The following CEP128 variants were observed in gnomAD, a reference collection of about 807,000 sequenced individuals.
CEP128 encodes the protein centrosomal protein 128kDa.
In CEP128, 132 loss-of-function variants were observed where a neutral mutation model predicts 156.7. The observed-to-expected ratio is 0.84, with a 90% CI of 0.73 to 0.97. CEP128 has a LOEUF of 0.97. Ranked by LOEUF, CEP128 falls within the 50% of genes least tolerant of loss-of-function variation. The pLI, the probability that CEP128 is intolerant of heterozygous loss-of-function variation, is 0.00. For synonymous variants in CEP128, 469 were observed against 448.9 expected (o/e 1.04, Z -0.57); for missense variants, 1,252 against 1,281.9 (o/e 0.98, Z 0.36).
intron 8 of CEP128, among the ~76,000 whole-genome samples, chr14:80,885,604 A>G (rs1378585452): frequency 6.6e-6 from 1 of 152,188 alleles, no homozygotes; most frequent in Admixed American, 6.5e-5. Flanking sequence ...GGATGCCCAC[A>G]GAAAAGCCCC....
intron 19 of CEP128, among the ~76,000 whole-genome samples, chr14:80,668,630 C>G (rs1181447496): frequency 1.3e-5 from 2 of 152,076 alleles, no homozygotes; most frequent in Non-Finnish European, 2.9e-5. Context: ...ATGCTTGACA[C>G]AATACAGGAT....
rs115137924 is a variant in CEP128, at chr14:80,862,761, T to G, written c.758A>C (p.Gln253Pro). 8.7e-6 allele frequency: 14 copies of G among 1,600,554 alleles called. No individual in the cohort carries two copies. Among genetic ancestry groups the G allele is most frequent in the Non-Finnish European group, 1.2e-5 (14 of 1,167,972 alleles). The change falls in exon 9 of 25, where the codon CAG becomes CCG. Residue 253 changes from glutamine (Q) to proline (P), a missense_variant. Transcript: ENST00000555265. The stretch of plus-strand genomic sequence containing the variant: ...ATGAAAGTGTTTTTCACAAACCTCC[T>G]GTAGCTGCAGGGACATGAGTCCCAG... ...DQLGLMSLQL[Q>P]EALKKQEAKA...
intron 19 of CEP128, among the ~76,000 whole-genome samples, chr14:80,678,070 A>ATATGTG (rs1896162282): frequency 7.4e-6 from 1 of 135,514 alleles, no homozygotes; most frequent in African/African-American, 2.7e-5. Flanking sequence ...ATATGTATAT[A>ATATGTG]TATATATGCT....
Position 80,905,944 on chromosome 14 carries a change from G to C in CEP128, c.361+11C>G. ...ATTTTTAATGTTTTTCAGAACATTT[G>C]AAGTGTTTACCTGACCCAGTGCCAC... On this transcript the variant is annotated intron_variant, in intron 5 of 24. Coordinates refer to ENST00000555265, the MANE Select transcript of CEP128 (RefSeq NM_152446.5). The C allele has an allele frequency of 6.2e-7, 1 of 1,606,130 alleles. No individual in the cohort carries two copies. The highest frequency in any genetic ancestry group is 8.5e-7 in the Non-Finnish European group (1 of 1,177,880).
At chr14:80,768,776 A>T (rs1747790129) in intron 16 of CEP128, among the ~76,000 whole-genome samples, 1 of 152,208 alleles carries the variant, frequency 6.6e-6, no homozygotes, top group Admixed American at 6.5e-5. Flanking sequence ...TGGAAATTCT[A>T]ATTCAAACTT....
chr14:80,801,925 A>AG (rs1319505682), intron 13 of CEP128, among the ~76,000 whole-genome samples: 3 of 148,814 alleles, frequency 2.0e-5, no homozygotes, highest in Non-Finnish European at 4.5e-5. Flanking sequence ...AAAAAAAAAA[A>AG]AAAAAAAAAA....
At chr14:80,904,689 T>C (rs920267547) in intron 6 of CEP128, 124 bp downstream of exon 6, 4 of 674,494 alleles carry the variant, frequency 5.9e-6, no homozygotes, top group Non-Finnish European at 1.1e-5. Flanking sequence ...AAGGGATCAG[T>C]ATAAAGTTAC....
intron 14 of CEP128, among the ~76,000 whole-genome samples, chr14:80,787,339 G>A (rs1901463429): frequency 6.6e-6 from 1 of 152,072 alleles, no homozygotes; most frequent in Admixed American, 6.5e-5. Flanking sequence ...CGATTATTCT[G>A]AACTTCTAGA....
At chr14:80,556,502 TAAAG>T (rs1300669844) in intron 21 of CEP128, among the ~76,000 whole-genome samples, 3 of 152,124 alleles carry the variant, frequency 2.0e-5, no homozygotes, top group African/African-American at 7.2e-5. Flanking sequence ...TACCTGCTAT[TAAAG>T]AAAGAGAGGG....
At chr14:80,804,848 C>T (rs1483420601) in intron 13 of CEP128, among the ~76,000 whole-genome samples, 2 of 151,960 alleles carry the variant, frequency 1.3e-5, no homozygotes, top group Non-Finnish European at 2.9e-5. Context: ...TATAACATTA[C>T]TGATGTGTGT....
intron 23 of CEP128, among the ~76,000 whole-genome samples, chr14:80,509,561 T>C (rs1888147737): frequency 1.3e-5 from 2 of 152,248 alleles, no homozygotes; most frequent in African/African-American, 2.4e-5. Context: ...ATGGATAGTT[T>C]GCAAAAACTT....
chr14:80,858,287 C>G (rs1253773922), intron 9 of CEP128, among the ~76,000 whole-genome samples: 5 of 137,664 alleles, frequency 3.6e-5, no homozygotes, highest in Non-Finnish European at 7.8e-5. Context: ...GAAAAACAAG[C>G]AATGGGGAAA....
At chr14:80,854,178 A>C (rs546482596) in intron 9 of CEP128, among the ~76,000 whole-genome samples, 22 of 152,128 alleles carry the variant, frequency 1.4e-4, no homozygotes, top group Non-Finnish European at 2.8e-4. Context: ...GCAAAAACTT[A>C]AAGAATTATA....
chr14:80,860,622 TAA>T (rs1044533650), intron 9 of CEP128, among the ~76,000 whole-genome samples: 1 of 144,528 alleles, frequency 6.9e-6, no homozygotes, highest in Admixed American at 6.9e-5. Flanking sequence ...AAATCAAGGT[TAA>T]AAAAAAAAAG....
chr14:80,772,666 C>A (rs2139742642), intron 16 of CEP128, among the ~76,000 whole-genome samples: 1 of 152,294 alleles, frequency 6.6e-6, no homozygotes, highest in South Asian at 2.1e-4. Context: ...CTGGATGCTA[C>A]TGTGGGGCTG....
intron 14 of CEP128, among the ~76,000 whole-genome samples, chr14:80,479,350 A>G (rs1194447196): frequency 6.6e-6 from 1 of 152,186 alleles, no homozygotes; most frequent in African/African-American, 2.4e-5. Context: ...CACACCTGAA[A>G]CTGGGAACAA....
chr14:80,631,577 A>G (rs191323893), intron 19 of CEP128, among the ~76,000 whole-genome samples: 9,306 of 152,110 alleles, frequency 0.061, 326 homozygotes, highest in Non-Finnish European at 0.07. Context: ...ATCTGCAAAG[A>G]TCAATGAGTA....
rs541856372 is a variant in CEP128, at chr14:80,782,378, C to T, written c.2211+2517G>A. On this transcript the variant is annotated intron_variant, in intron 15 of 24. Transcript: ENST00000555265. Reference sequence around the variant, plus strand: ...TCCTGACCAAATCAGCAACCTCTGACGGCAGATTTTTATCCTTCAGCTTTC... The same window carrying T: ...TCCTGACCAAATCAGCAACCTCTGATGGCAGATTTTTATCCTTCAGCTTTC... Among the ~76,000 whole-genome samples, 29 of 152,282 alleles carry T rather than the reference C, an allele frequency of 1.9e-4. No individual in the cohort carries two copies. The South Asian group carries it at 4.8e-3, about 25-fold the overall frequency.
At chr14:80,828,311 T>C (rs1372698080) in intron 13 of CEP128, among the ~76,000 whole-genome samples, 3 of 151,934 alleles carry the variant, frequency 2.0e-5, no homozygotes, top group Non-Finnish European at 2.9e-5. Context: ...TTAGTAGAGA[T>C]GTGGTTTCAC....
Sources: allele counts gnomAD v4.1 joint callset (sites outside exome capture counted in the v4.1 genomes callset), GRCh38; gene constraint gnomAD v4.1.1; transcripts MANE v1.5; gene names NCBI Gene and HGNC (gene_info 2026-07-23, HGNC 2026-07-21).